VPS53: variants seen among roughly 807,000 people sequenced by gnomAD.
VPS53 encodes vacuolar protein sorting-associated protein 53 homolog.
A neutral mutation model predicts 107.0 loss-of-function variants in VPS53; 70 were observed. That is an observed-to-expected ratio of 0.65 (90% CI 0.54 to 0.80). VPS53 has a LOEUF of 0.80. VPS53 is among the 30% of genes least tolerant of loss of function. VPS53 has a pLI of 0.00. For synonymous variants in VPS53, 409 were observed against 393.3 expected, an observed-to-expected ratio of 1.04 and a Z score of -0.47; for missense variants, 917 against 1,049.4, an observed-to-expected ratio of 0.87 and a Z score of 1.74.
chr17:533,388 C>T (rs144634267), intron 18 of VPS53, among the ~76,000 whole-genome samples: 3 of 152,290 alleles, frequency 2.0e-5, no homozygotes, highest in Non-Finnish European at 2.9e-5. Context: ...GGATTACAAG[C>T]GTGAGCCACT....
At chr17:675,743 G>A (rs1049112838) in intron 4 of VPS53, 2 of 146,372 alleles carry the variant, frequency 1.4e-5, no homozygotes, top group Non-Finnish European at 3.0e-5. Context: ...CTCCATCCTG[G>A]GCGACAGGGC....
chr17:530,779 G>C (rs938877476), intron 19 of VPS53, among the ~76,000 whole-genome samples: 1 of 152,174 alleles, frequency 6.6e-6, no homozygotes, highest in African/African-American at 2.4e-5. Flanking sequence ...CAAGAAGCAT[G>C]ATCAATATTG....
intron 4 of VPS53, among the ~76,000 whole-genome samples, chr17:691,693 G>A (rs1446109088): frequency 2.0e-5 from 3 of 152,142 alleles, no homozygotes; most frequent in Admixed American, 6.5e-5. Context: ...ACCAGGTCAC[G>A]AATCATTCCT....
chr17:667,908 C>T (rs761772213), intron 4 of VPS53, among the ~76,000 whole-genome samples: 5 of 152,074 alleles, frequency 3.3e-5, no homozygotes, highest in South Asian at 4.1e-4. Flanking sequence ...GAACTGCACA[C>T]GCGAGGGATC....
At chr17:571,964 C>A (rs1240681473) in intron 13 of VPS53, among the ~76,000 whole-genome samples, 1 of 151,880 alleles carries the variant, frequency 6.6e-6, no homozygotes, top group East Asian at 1.9e-4. Flanking sequence ...CCGGCCGCCA[C>A]CCCGTCTAGG....
In VPS53 at chr17:627,436, T is replaced by G. The variant is rs919634277; in HGVS notation, c.832-120A>C. ...AACCAACCTCTGTATTTCTCATGGT[T>G]TTAAAGAATCTAGGCTACCTTTTTA... On this transcript the variant is annotated intron_variant, in intron 9 of 21. Transcript: ENST00000437048. 4 of 1,286,550 alleles carry G rather than the reference T, an allele frequency of 3.1e-6. No homozygotes were observed. In the African/African-American group the frequency reaches 6.1e-5, roughly 19 times the overall value. The allele number at this position is 1,286,550 out of a possible 1,614,324, so 79.7% of individuals were successfully genotyped here.
At chr17:656,840 G>T in intron 5 of VPS53, 1 of 1,587,974 alleles carries the variant, frequency 6.3e-7, no homozygotes, top group East Asian at 2.2e-5. Context: ...TCTCTCTTCA[G>T]CAATGGTGAG....
intron 19 of VPS53, among the ~76,000 whole-genome samples, chr17:529,398 T>TCACACACACACACA (rs3084065): frequency 6.7e-6 from 1 of 150,200 alleles, no homozygotes; most frequent in Non-Finnish European, 1.5e-5. Context: ...ACACACACAC[T>TCACACACACACACA]CACACACACA....
rs540858070 is a variant in VPS53, at chr17:547,037, C to T, written c.1866+4835G>A. 5.3e-5 allele frequency among the ~76,000 whole-genome samples: 8 copies of T among 152,108 alleles called. No individual in the cohort carries two copies. The South Asian group carries it at 8.3e-4, about 16-fold the overall frequency. On this transcript the variant is annotated intron_variant, in intron 17 of 21. Coordinates refer to ENST00000437048, the MANE Select transcript of VPS53 (RefSeq NM_001128159.3). ...TTACAGGCACGCACGCTACCACACC[C>T]GGCTAATTTTTGTATTTTTATTAGA...
At chr17:714,479 A>AC (rs1597526413) in intron 1 of VPS53, 144 bp downstream of exon 1, 2 of 716,684 alleles carry the variant, frequency 2.8e-6, no homozygotes, top group Admixed American at 5.6e-5. Context: ...ACCGCTTCTC[A>AC]CCCGCACCAC....
chr17:567,112 C>T (rs1431642127), intron 13 of VPS53, among the ~76,000 whole-genome samples: 1 of 152,230 alleles, frequency 6.6e-6, no homozygotes, highest in Non-Finnish European at 1.5e-5. Flanking sequence ...ATTTTCATCA[C>T]TCACCTGTTC....
At chr17:688,662 T>C (rs942892768) in intron 4 of VPS53, among the ~76,000 whole-genome samples, 4 of 152,018 alleles carry the variant, frequency 2.6e-5, no homozygotes, top group Admixed American at 1.3e-4. Context: ...CTACAACCAG[T>C]AGCACTCTAG....
intron 7 of VPS53, among the ~76,000 whole-genome samples, chr17:640,125 G>T (rs1970363861): frequency 1.3e-5 from 2 of 152,162 alleles, no homozygotes; most frequent in Non-Finnish European, 1.5e-5. Context: ...CAGCCTTGCT[G>T]CCGCCTTGCA....
chr17:710,571 C>G lies in VPS53; in HGVS notation c.130G>C (p.Ala44Pro). ...AACAGGGTATTGATATACTCAACAG[C>G]ATTGAAATCTGCTCGATCTAGAGGG... Reference protein sequence around the residue: ...QDPLDRADFNAVEYINTLFPT... With the variant: ...QDPLDRADFNPVEYINTLFPT... The change falls in exon 2 of 22, where the codon GCT becomes CCT. Residue 44 changes from alanine (A) to proline (P), a missense_variant. By Grantham distance (27) the Ala-to-Pro change is conservative. Coordinates refer to ENST00000437048, the MANE Select transcript of VPS53 (RefSeq NM_001128159.3). 1 of 1,614,016 alleles carries G rather than the reference C, an allele frequency of 6.2e-7. No individual in the cohort carries two copies. Among genetic ancestry groups the G allele is most frequent in the Non-Finnish European group, 8.5e-7 (1 of 1,179,986 alleles).
At chr17:535,385 G>A (rs1909963349) in intron 18 of VPS53, among the ~76,000 whole-genome samples, 1 of 135,198 alleles carries the variant, frequency 7.4e-6, no homozygotes, top group Admixed American at 7.3e-5. Context: ...TGAGCTGGGA[G>A]ACGCCGGGAC....
chr17:672,162 TCACA>T (rs1279975570), intron 4 of VPS53, among the ~76,000 whole-genome samples: 80 of 122,454 alleles, frequency 6.5e-4, no homozygotes, highest in African/African-American at 1.9e-3. Flanking sequence ...AATCTCTCTC[TCACA>T]CAATCTCAAT....
chr17:667,749 G>A (rs964914919), intron 4 of VPS53, among the ~76,000 whole-genome samples: 2 of 152,026 alleles, frequency 1.3e-5, no homozygotes, highest in Admixed American at 6.6e-5. Flanking sequence ...GCCCTGGGCC[G>A]TGGGCCAGCA....
In VPS53 at chr17:537,010, G is replaced by A. The variant is rs1429200830; in HGVS notation, c.2015+18C>T. The A allele has an allele frequency of 1.2e-6, 2 of 1,613,722 alleles. No individual in the cohort carries two copies. Among genetic ancestry groups the A allele is most frequent in the South Asian group, 1.1e-5 (1 of 91,034 alleles). ...AAAAAGAACAAGAACCCAGAGATGA[G>A]CACGCCCCAGGACTTACTTTGCAAA... is the stretch of plus-strand genomic sequence containing the variant. On this transcript the variant is annotated intron_variant, in intron 18 of 21. Transcript: ENST00000437048.
intron 17 of VPS53, among the ~76,000 whole-genome samples, chr17:541,705 G>A: frequency 1.1e-5 from 1 of 90,246 alleles, no homozygotes; most frequent in Middle Eastern, 6.7e-3. Context: ...ACGCACCAGG[G>A]GCTGAAGGAA....
Sources: gnomAD v4.1 joint callset for allele counts (sites outside exome capture counted in the v4.1 genomes callset) on GRCh38, gnomAD v4.1.1 for gene constraint, MANE v1.5 for transcripts, NCBI Gene and HGNC (gene_info 2026-07-23, HGNC 2026-07-21) for gene names.